CSMD1: variants seen among roughly 807,000 people sequenced by gnomAD.
The protein encoded by CSMD1 is CUB and sushi domain-containing protein 1.
In CSMD1, 213 loss-of-function variants were observed where a neutral mutation model predicts 417.5. The ratio of observed to expected loss-of-function variants is 0.51; its 90% CI spans 0.46 to 0.57. CSMD1 has a LOEUF of 0.57. Ranked by LOEUF, CSMD1 falls within the 20% of genes least tolerant of loss-of-function variation. CSMD1 has a pLI of 0.00. For synonymous variants in CSMD1, 2,862 were observed against 1,736.8 expected (o/e 1.65, Z -16.11); for missense variants, 6,923 against 4,529.7 (o/e 1.53, Z -15.17).
rs1796493138 is a variant in CSMD1 at position 3,735,708 on chromosome 8, G to C, written c.931+18222C>G. The stretch of plus-strand genomic sequence containing the variant: ...GCTTGCTATCAGGATTAAATTCATG[G>C]ACAACAGAAACTCGTTTGGAGCAAG... On this transcript the variant is annotated intron_variant, in intron 6 of 69. Transcript: ENST00000635120. 1.3e-5 allele frequency among the ~76,000 whole-genome samples: 2 copies of C among 152,290 alleles called. 1 individual carries two copies. Among genetic ancestry groups the C allele is most frequent in the Middle Eastern group, 6.8e-3 (2 of 292 alleles).
chr8:4,549,663 A>G (rs1273633941), intron 2 of CSMD1, among the ~76,000 whole-genome samples: 1 of 151,978 alleles, frequency 6.6e-6, no homozygotes, highest in Non-Finnish European at 1.5e-5. Flanking sequence ...CTGAGGCAGG[A>G]AGATCACTTG....
At chr8:3,372,986 G>C (rs1392477457) in intron 18 of CSMD1, among the ~76,000 whole-genome samples, 1 of 152,116 alleles carries the variant, frequency 6.6e-6, no homozygotes, top group African/African-American at 2.4e-5. Flanking sequence ...TGATTGGATT[G>C]GTATGAATTG....
chr8:3,045,471 G>A (rs1283585146), intron 50 of CSMD1, among the ~76,000 whole-genome samples: 1 of 152,120 alleles, frequency 6.6e-6, no homozygotes, highest in Non-Finnish European at 1.5e-5. Flanking sequence ...TCTATTGATT[G>A]ATACATTTAC....
chr8:4,316,364 T>C (rs1798929598), intron 3 of CSMD1, among the ~76,000 whole-genome samples: 1 of 152,114 alleles, frequency 6.6e-6, no homozygotes. Flanking sequence ...GGTCTTATAC[T>C]CTGGGCTGCC....
In CSMD1 at chr8:4,843,950, T is replaced by C. The variant is rs142836703; in HGVS notation, c.85+150382A>G. On this transcript the variant is annotated intron_variant, in intron 1 of 69. Transcript: ENST00000635120. ...TCAGAAGCTAAGATAGAGAAAGCTG[T>C]AACGGAAAGTGTGTTTCTCATGAAT... is the stretch of plus-strand genomic sequence containing the variant. Among the ~76,000 whole-genome samples the C allele has an allele frequency of 1.1e-4, 17 of 152,286 alleles. No individual in the cohort carries two copies. In the East Asian group the frequency reaches 2.9e-3, roughly 26 times the overall value.
intron 7 of CSMD1, among the ~76,000 whole-genome samples, chr8:3,662,696 G>A (rs965062684): frequency 3.3e-5 from 5 of 152,014 alleles, no homozygotes; most frequent in Non-Finnish European, 7.4e-5. Flanking sequence ...GCAGGGACAT[G>A]GATGAAGCTG....
At chr8:3,988,098 T>C (rs1814472909) in intron 5 of CSMD1, among the ~76,000 whole-genome samples, 1 of 152,210 alleles carries the variant, frequency 6.6e-6, no homozygotes, top group South Asian at 2.1e-4. Flanking sequence ...ATTGTGATTT[T>C]TTTATACCCT....
intron 10 of CSMD1, among the ~76,000 whole-genome samples, chr8:3,572,324 G>T (rs1238488018): frequency 6.6e-6 from 1 of 152,146 alleles, no homozygotes; most frequent in Non-Finnish European, 1.5e-5. Context: ...AGCAGTTGAG[G>T]GAGGGCTGAG....
intron 5 of CSMD1, among the ~76,000 whole-genome samples, chr8:3,959,569 T>G (rs1812186473): frequency 6.6e-6 from 1 of 152,198 alleles, no homozygotes; most frequent in African/African-American, 2.4e-5. Flanking sequence ...CCCATAGTTT[T>G]TGTCTCTTTT....
At chr8:3,810,043 T>C (rs2129076555) in intron 5 of CSMD1, among the ~76,000 whole-genome samples, 1 of 152,340 alleles carries the variant, frequency 6.6e-6, no homozygotes, top group East Asian at 1.9e-4. Flanking sequence ...TCTGTAGTCC[T>C]CTGTCACACC....
intron 3 of CSMD1, among the ~76,000 whole-genome samples, chr8:4,380,205 G>C (rs1349550813): frequency 2.0e-5 from 3 of 152,162 alleles, no homozygotes; most frequent in Admixed American, 2.0e-4. Context: ...CTTCTTTCCA[G>C]ACTACAGTAT....
intron 1 of CSMD1, among the ~76,000 whole-genome samples, chr8:4,651,600 G>C (rs1432182532): frequency 6.6e-6 from 1 of 152,132 alleles, no homozygotes; most frequent in East Asian, 1.9e-4. Context: ...GCTGTAAAAT[G>C]AGGCCCACAT....
At chr8:4,757,922 T>G (rs1309486201) in intron 1 of CSMD1, among the ~76,000 whole-genome samples, 1 of 137,544 alleles carries the variant, frequency 7.3e-6, no homozygotes, top group Non-Finnish European at 1.5e-5. Context: ...TTGTGCCACC[T>G]GCACTCCATC....
intron 7 of CSMD1, among the ~76,000 whole-genome samples, chr8:3,651,969 C>G (rs1359393200): frequency 6.7e-6 from 1 of 149,136 alleles, no homozygotes; most frequent in Non-Finnish European, 1.5e-5. Flanking sequence ...GCCATCACCA[C>G]CAGAGCGCCT....
chr8:3,212,223 C>T (rs954146501), intron 30 of CSMD1, among the ~76,000 whole-genome samples: 6 of 152,160 alleles, frequency 3.9e-5, no homozygotes, highest in Non-Finnish European at 7.3e-5. Context: ...AAAAAAGAAA[C>T]ACTCTATAAC....
intron 3 of CSMD1, among the ~76,000 whole-genome samples, chr8:4,326,685 C>A (rs888232155): frequency 1.3e-5 from 2 of 152,102 alleles, no homozygotes; most frequent in Non-Finnish European, 2.9e-5. Flanking sequence ...AAGGTCTGGA[C>A]TCAAGAACAT....
At chr8:3,139,901 CTTTCT>C (rs1353143330) in intron 41 of CSMD1, among the ~76,000 whole-genome samples, 57 of 131,384 alleles carry the variant, frequency 4.3e-4, no homozygotes, top group South Asian at 3.0e-3. Context: ...TCTTTTCTTT[CTTTCT>C]TTTTTTTTTT....
At chr8:3,684,881 A>G (rs1225600702) in intron 7 of CSMD1, among the ~76,000 whole-genome samples, 1 of 152,114 alleles carries the variant, frequency 6.6e-6, no homozygotes, top group African/African-American at 2.4e-5. Context: ...ACTTTATTGC[A>G]GTTCTAAATT....
intron 3 of CSMD1, among the ~76,000 whole-genome samples, chr8:4,111,474 G>A (rs1279249738): frequency 6.6e-6 from 1 of 152,176 alleles, no homozygotes; most frequent in African/African-American, 2.4e-5. Flanking sequence ...GCACGAGTAT[G>A]TTCATTGCAG....
Sources: allele counts gnomAD v4.1 joint callset (sites outside exome capture counted in the v4.1 genomes callset), GRCh38; gene constraint gnomAD v4.1.1; transcripts MANE v1.5; gene names NCBI Gene and HGNC (gene_info 2026-07-23, HGNC 2026-07-21).